Variants in ARL6IP5 observed in about 807,000 individuals in gnomAD.
The protein encoded by ARL6IP5 is PRA1 family protein 3.
Under a neutral mutation model 13.0 loss-of-function variants are expected in ARL6IP5, and 6 were observed. The ratio of observed to expected loss-of-function variants is 0.46; its 90% CI spans 0.25 to 0.91. The LOEUF is 0.91. Ranked by LOEUF, ARL6IP5 falls within the 40% of genes least tolerant of loss-of-function variation. The pLI is 0.17. For missense variants in ARL6IP5, 208 were observed against 248.8 expected, an observed-to-expected ratio of 0.84 and a Z score of 1.10; for synonymous variants, 91 against 91.9, an observed-to-expected ratio of 0.99 and a Z score of 0.06.
In ARL6IP5 at chr3:69,105,407, T is replaced by G. The variant is rs1460627673; in HGVS notation, c.*771T>G. On this transcript the variant is annotated 3_prime_UTR_variant, in exon 3 of 3. Coordinates refer to ENST00000273258, the MANE Select transcript of ARL6IP5 (RefSeq NM_006407.4). ...AACAAAACTTGAGTTCTATTTACCT[T>G]GCACATTTTTTGTTGTTACAGTGAA... 1 of 152,278 alleles carries G rather than the reference T, an allele frequency of 6.6e-6. No individual in the cohort carries two copies. Among genetic ancestry groups the G allele is most frequent in the Admixed American group, 6.5e-5 (1 of 15,292 alleles). 9.4% of individuals were successfully genotyped at this position (152,278 alleles called of 1,614,324 possible).
At position 69,104,692 on chromosome 3, in the gene ARL6IP5, T is replaced by A; in HGVS notation, c.*56T>A. On this transcript the variant is annotated 3_prime_UTR_variant, in exon 3 of 3. Transcript: ENST00000273258. Reference sequence around the variant, plus strand: ...GAAATTGAGTTGCAGCTTGCCCTTGTCCAGACCTATGTTCTGCTTGCGTTT... The same window carrying A: ...GAAATTGAGTTGCAGCTTGCCCTTGACCAGACCTATGTTCTGCTTGCGTTT... 6.3e-7 allele frequency: 1 copy of A among 1,588,356 alleles called. No homozygotes were observed. The highest frequency in any genetic ancestry group is 8.6e-7 in the Non-Finnish European group (1 of 1,162,454).
At chr3:69,096,925 A>G (rs1476273527) in intron 1 of ARL6IP5, among the ~76,000 whole-genome samples, 1 of 152,112 alleles carries the variant, frequency 6.6e-6, no homozygotes, top group Non-Finnish European at 1.5e-5. Flanking sequence ...TTTACGGCTC[A>G]GAAGAAACAT....
intron 1 of ARL6IP5, among the ~76,000 whole-genome samples, chr3:69,097,942 A>G (rs1292862528): frequency 1.3e-5 from 2 of 152,172 alleles, no homozygotes; most frequent in Non-Finnish European, 2.9e-5. Context: ...ACAAGTAGAG[A>G]TGGACTTTTG....
At chr3:69,091,129 C>T (rs1449276177) in intron 1 of ARL6IP5, among the ~76,000 whole-genome samples, 2 of 152,030 alleles carry the variant, frequency 1.3e-5, no homozygotes, top group South Asian at 4.2e-4. Context: ...GCGTGGGAGG[C>T]GGAGGTTGCA....
intron 1 of ARL6IP5, among the ~76,000 whole-genome samples, chr3:69,092,395 C>G (rs969714676): frequency 2.0e-5 from 3 of 152,152 alleles, no homozygotes; most frequent in Non-Finnish European, 4.4e-5. Context: ...TTACCAAGCT[C>G]GTTAGCATTT....
chr3:69,098,232 A>G (rs2092293222), intron 1 of ARL6IP5, among the ~76,000 whole-genome samples: 1 of 133,276 alleles, frequency 7.5e-6, no homozygotes, highest in Non-Finnish European at 1.5e-5. Flanking sequence ...GCCTGCCACC[A>G]TACCTGGCTT....
rs1186594738 is a variant in ARL6IP5 at position 69,104,499 on chromosome 3, C to CTT, written c.431_432insTT (p.Lys145SerfsTer12). The CTT allele has an allele frequency of 6.2e-7, 1 of 1,613,960 alleles. No individual in the cohort carries two copies. Among genetic ancestry groups the CTT allele is most frequent in the South Asian group, 1.1e-5 (1 of 91,064 alleles). On this transcript the variant is annotated frameshift_variant, in exon 3 of 3. Coordinates refer to ENST00000273258, the MANE Select transcript of ARL6IP5 (RefSeq NM_006407.4). LOFTEE classifies it high-confidence loss of function. ...CCATGCATCGTTGAGACTTCGGAAC[C>CTT]TCAAGAACAAACTGGAGAATAAAAT...
intron 1 of ARL6IP5, among the ~76,000 whole-genome samples, chr3:69,099,135 G>C (rs920745572): frequency 1.2e-4 from 12 of 98,708 alleles, no homozygotes; most frequent in Middle Eastern, 9.9e-3. Context: ...GGGGCGGGGG[G>C]GGTGGGGGGT....
chr3:69,090,781 C>T (rs147804638), intron 1 of ARL6IP5, among the ~76,000 whole-genome samples: 59 of 152,316 alleles, frequency 3.9e-4, no homozygotes, highest in South Asian at 6.2e-4. Context: ...ATTCTCCTGC[C>T]CTTCGATGCC....
intron 1 of ARL6IP5, among the ~76,000 whole-genome samples, chr3:69,097,039 A>C (rs1385091545): frequency 6.6e-6 from 1 of 151,962 alleles, no homozygotes; most frequent in Non-Finnish European, 1.5e-5. Context: ...AATTTTTTTT[A>C]TTCATCAAGG....
At chr3:69,096,804 A>G (rs1406032130) in intron 1 of ARL6IP5, among the ~76,000 whole-genome samples, 3 of 151,842 alleles carry the variant, frequency 2.0e-5, no homozygotes, top group Admixed American at 1.3e-4. Flanking sequence ...GGGTTTCACC[A>G]TGTTGACCAG....
intron 1 of ARL6IP5, among the ~76,000 whole-genome samples, chr3:69,086,833 G>A (rs188123988): frequency 9.0e-5 from 13 of 143,654 alleles, no homozygotes; most frequent in East Asian, 2.1e-4. Flanking sequence ...AGTAATTCTC[G>A]TGCCTCAGCC....
intron 1 of ARL6IP5, among the ~76,000 whole-genome samples, chr3:69,095,110 T>G (rs1173377973): frequency 6.6e-6 from 1 of 152,198 alleles, no homozygotes; most frequent in African/African-American, 2.4e-5. Flanking sequence ...GGTTCTACTG[T>G]GAGTTGCTGC....
At chr3:69,086,751 C>T (rs2092248919) in intron 1 of ARL6IP5, among the ~76,000 whole-genome samples, 1 of 150,144 alleles carries the variant, frequency 6.7e-6, no homozygotes, top group Non-Finnish European at 1.5e-5. Context: ...GAGACTGAGC[C>T]TCGTTCTGTC....
At chr3:69,104,067 C>T (rs1575865815) in intron 2 of ARL6IP5, among the ~76,000 whole-genome samples, 1 of 152,056 alleles carries the variant, frequency 6.6e-6, no homozygotes, top group Non-Finnish European at 1.5e-5. Context: ...CAGATAATCC[C>T]GAATCGAGCA....
At position 69,104,811 on chromosome 3, in the gene ARL6IP5, C is replaced by A. The variant is rs1422814821; in HGVS notation, c.*175C>A. On this transcript the variant is annotated 3_prime_UTR_variant, in exon 3 of 3. Coordinates refer to ENST00000273258, the MANE Select transcript of ARL6IP5 (RefSeq NM_006407.4). ...CAGCTCTGATGTTTCAGAGAGAAGA[C>A]CTCAGAAACCGAAAGAAAACCACCA... The A allele has an allele frequency of 1.3e-6, 1 of 778,718 alleles. No individual in the cohort carries two copies. The highest frequency in any genetic ancestry group is 2.2e-6 in the Non-Finnish European group (1 of 455,914). 48.2% of individuals were successfully genotyped at this position (778,718 alleles called of 1,614,324 possible). A position where few individuals can be genotyped will look rare whatever the true frequency, so the allele number is the denominator to read the frequency against.
intron 1 of ARL6IP5, among the ~76,000 whole-genome samples, chr3:69,100,306 A>G (rs532824331): frequency 2.6e-5 from 4 of 152,344 alleles, no homozygotes; most frequent in African/African-American, 9.6e-5. Flanking sequence ...TTTGGCTTAT[A>G]TAAGAATGAA....
rs563772962 is a variant in ARL6IP5 at position 69,099,768 on chromosome 3, G to A, written c.177-2071G>A. Among the ~76,000 whole-genome samples, 22 of 152,168 alleles carry A rather than the reference G, an allele frequency of 1.4e-4. No individual in the cohort carries two copies. In the East Asian group the frequency reaches 3.3e-3, roughly 23 times the overall value. The stretch of plus-strand genomic sequence containing the variant: ...CAGGGCATGAGGAGAACACACTATC[G>A]TCTGTGTCCTTCCCAAGTAAAGTCC... On this transcript the variant is annotated intron_variant, in intron 1 of 2. Coordinates refer to ENST00000273258, the MANE Select transcript of ARL6IP5 (RefSeq NM_006407.4).
intron 2 of ARL6IP5, among the ~76,000 whole-genome samples, chr3:69,103,040 A>C (rs763089055): frequency 6.6e-6 from 1 of 152,226 alleles, no homozygotes; most frequent in Non-Finnish European, 1.5e-5. Context: ...ATGTGCACTT[A>C]TTCCACTAAA....
Sources: allele counts gnomAD v4.1 joint callset (sites outside exome capture counted in the v4.1 genomes callset), GRCh38; gene constraint gnomAD v4.1.1; transcripts MANE v1.5; gene names NCBI Gene and HGNC (gene_info 2026-07-23, HGNC 2026-07-21).